The following ZFAND2A variants were observed in gnomAD, a reference collection of about 807,000 sequenced individuals.
The protein encoded by ZFAND2A is zinc finger AN1-type containing 2A, also known as AN1-type zinc finger protein 2A.
In ZFAND2A, 20 loss-of-function variants were observed where a neutral mutation model predicts 11.6. That is an observed-to-expected ratio of 1.72 (90% confidence interval 1.21 to 2.50). ZFAND2A has a LOEUF of 2.50. Ranked by LOEUF, ZFAND2A falls within the 30% of genes most tolerant of loss-of-function variation. The probability of loss-of-function intolerance (pLI) is 0.00; values close to 1 mark genes in which losing one functional copy is unlikely to be tolerated. For synonymous variants in ZFAND2A, 93 were observed against 60.6 expected (o/e 1.54, Z -2.48); for missense variants, 234 against 182.9 (o/e 1.28, Z -1.61).
chr7:1,155,526 T>TG lies in ZFAND2A; in HGVS notation c.208dup (p.Gln70ProfsTer9). 6.2e-7 allele frequency: 1 copy of TG among 1,613,938 alleles called. No individual in the cohort carries two copies. The highest frequency in any genetic ancestry group is 8.5e-7 in the Non-Finnish European group (1 of 1,179,930). ...ATCACCAACCACCACGTCTGGTATC[T>TG]GGCCCTTTTTTACTGGGATGGGGGT... On this transcript the variant is annotated frameshift_variant, in exon 4 of 5. Coordinates refer to ENST00000316495, the MANE Select transcript of ZFAND2A (RefSeq NM_182491.4). LOFTEE classifies it high-confidence loss of function.
At chr7:1,155,936 C>CCA (rs986434818) in intron 3 of ZFAND2A, among the ~76,000 whole-genome samples, 1 of 152,244 alleles carries the variant, frequency 6.6e-6, no homozygotes, top group African/African-American at 2.4e-5. Flanking sequence ...CAAAGACCCT[C>CCA]CAGCTCCCCT....
chr7:1,149,002 T>C (rs1243454456), downstream of ZFAND2A, among the ~76,000 whole-genome samples: 3 of 151,858 alleles, frequency 2.0e-5, no homozygotes, highest in Admixed American at 6.6e-5. Context: ...CTTACTACAT[T>C]GCCCAGTCCT....
chr7:1,154,520 C>T lies in ZFAND2A; in HGVS notation c.282+933G>A, dbSNP rs1205661855. ...GTGTCATGTGGAAGAAGCGGGTGTG[C>T]CAGAGAGCTGTGATGTCTCAGAGGC... is the stretch of plus-strand genomic sequence containing the variant. On this transcript the variant is annotated intron_variant, in intron 4 of 4. Transcript: ENST00000316495. 4.6e-5 allele frequency among the ~76,000 whole-genome samples: 7 copies of T among 152,080 alleles called. 1 individual carries two copies. Among genetic ancestry groups the T allele is most frequent in the African/African-American group, 1.7e-4 (7 of 41,412 alleles).
At chr7:1,156,734 C>T (rs62431996) in intron 3 of ZFAND2A, among the ~76,000 whole-genome samples, 2,453 of 152,338 alleles carry the variant, frequency 0.016, 33 homozygotes, top group Non-Finnish European at 0.026. Context: ...TGAGCACACC[C>T]GTCTACAGCC....
downstream of ZFAND2A, chr7:1,151,965 T>C (rs2128256981): frequency 6.4e-6 from 2 of 311,402 alleles, no homozygotes; most frequent in East Asian, 5.2e-5. Context: ...CTTTTCAGGT[T>C]TGTCTTGATG....
At chr7:1,158,372 C>T in intron 1 of ZFAND2A, 115 bp from the exon 2 acceptor site, 1 of 661,772 alleles carries the variant, frequency 1.5e-6, no homozygotes, top group South Asian at 1.9e-5. Context: ...GGGAGCATTC[C>T]ATGGAGTTTT....
downstream of ZFAND2A, chr7:1,152,247 G>A (rs758670074): frequency 5.1e-5 from 80 of 1,570,782 alleles, no homozygotes; most frequent in Middle Eastern, 1.7e-4. Context: ...CACATGAGCC[G>A]GGTGAACCAG....
chr7:1,157,574 G>A (rs926734409), intron 3 of ZFAND2A, 82 bp downstream of exon 3: 43 of 1,317,482 alleles, frequency 3.3e-5, no homozygotes, highest in South Asian at 1.2e-4. Context: ...TTAGCCATAC[G>A]TCGCTAGTCC....
chr7:1,158,145 T>C lies in ZFAND2A; in HGVS notation c.55+13A>G. 6.2e-7 allele frequency: 1 copy of C among 1,612,850 alleles called. No individual in the cohort carries two copies. The highest frequency in any genetic ancestry group is 1.1e-5 in the South Asian group (1 of 90,758). On this transcript the variant is annotated intron_variant, in intron 2 of 4. Coordinates refer to ENST00000316495, the MANE Select transcript of ZFAND2A (RefSeq NM_182491.4). ...AAATACCATTTTCTATTAAGTCTCT[T>C]AAAAGTACTCACCTAGCTGCTTGCA...
downstream of ZFAND2A, among the ~76,000 whole-genome samples, chr7:1,149,474 G>A (rs1793358926): frequency 6.6e-6 from 1 of 152,188 alleles, no homozygotes; most frequent in African/African-American, 2.4e-5. Flanking sequence ...CCCGTAAGGA[G>A]CCCTGTGTTT....
downstream of ZFAND2A, chr7:1,152,164 G>A: frequency 1.4e-6 from 2 of 1,475,346 alleles, no homozygotes; most frequent in Non-Finnish European, 1.8e-6. Flanking sequence ...GTCACACTGT[G>A]CAGTTACACA....
rs1174952790 is a variant in ZFAND2A, at chr7:1,159,721, G to A, written c.-46+243C>T. 1.5e-4 allele frequency among the ~76,000 whole-genome samples: 11 copies of A among 71,630 alleles called. 2 individuals carry two copies. The highest frequency in any genetic ancestry group is 7.8e-4 in the Admixed American group (6 of 7,644). 47.0% of individuals were successfully genotyped at this position (71,630 alleles called of 152,430 possible). On this transcript the variant is annotated intron_variant, in intron 1 of 4. Transcript: ENST00000316495. ...AGGCCCGGTCCCCAGCAGACAGCCG[G>A]ACCCCCAACAGCCAGACCCCGGCAG...
chr7:1,153,192 G>A lies in ZFAND2A; in HGVS notation c.315C>T (p.Cys105=). ...CCATCTGCAGCATCTCTTTCTTCTT[G>A]CAGCCCTCTTTTGAGCAACGGTATG... The part of the protein sequence containing the change: ...IFTYRCSKEG[C]KKKEMLQMVC... Residue 105 remains cysteine (C), a synonymous_variant, in exon 5 of 5, where the codon TGC becomes TGT. Transcript: ENST00000316495. 6.2e-7 allele frequency: 1 copy of A among 1,614,030 alleles called. No homozygotes were observed. The highest frequency in any genetic ancestry group is 8.5e-7 in the Non-Finnish European group (1 of 1,179,920).
chr7:1,157,518 C>G (rs1793556995), intron 3 of ZFAND2A, 138 bp downstream of exon 3: 4 of 803,138 alleles, frequency 5.0e-6, no homozygotes, highest in Non-Finnish European at 5.9e-6. Context: ...TGAAACGAGG[C>G]TAGTGGGACT....
Position 1,155,434 on chromosome 7 carries a change from A to G in ZFAND2A, c.282+19T>C, listed in dbSNP as rs771136725. The G allele has an allele frequency of 3.7e-6, 6 of 1,606,682 alleles. No homozygotes were observed. The highest frequency in any genetic ancestry group is 5.1e-6 in the Non-Finnish European group (6 of 1,176,966). On this transcript the variant is annotated intron_variant, in intron 4 of 4. Coordinates refer to ENST00000316495, the MANE Select transcript of ZFAND2A (RefSeq NM_182491.4). ...CCAGGCTTCCCAGATGAAGGAACTG[A>G]GGCGGGCTCTGTCCTTACCTTCTCT...
chr7:1,155,988 C>T (rs1247251045), intron 3 of ZFAND2A, among the ~76,000 whole-genome samples: 1 of 152,236 alleles, frequency 6.6e-6, no homozygotes, highest in Non-Finnish European at 1.5e-5. Context: ...TCCCCAGTGG[C>T]TTCTACGTAC....
intron 4 of ZFAND2A, among the ~76,000 whole-genome samples, chr7:1,154,341 C>T (rs1177106122): frequency 3.3e-5 from 5 of 152,152 alleles, no homozygotes; most frequent in Non-Finnish European, 5.9e-5. Flanking sequence ...CCATGCTGAG[C>T]GACCATGCAG....
chr7:1,159,121 G>C (rs1338879760), intron 1 of ZFAND2A, among the ~76,000 whole-genome samples: 1 of 152,078 alleles, frequency 6.6e-6, no homozygotes, highest in Non-Finnish European at 1.5e-5. Flanking sequence ...CGCTACTTAA[G>C]GTGCCCATTA....
chr7:1,151,888 T>A (rs1213396342), downstream of ZFAND2A, among the ~76,000 whole-genome samples: 4 of 150,360 alleles, frequency 2.7e-5, no homozygotes, highest in African/African-American at 9.8e-5. Context: ...AGAGTGGAAA[T>A]AACCCACACG....
Sources: allele counts gnomAD v4.1 joint callset (sites outside exome capture counted in the v4.1 genomes callset), GRCh38; gene constraint gnomAD v4.1.1; transcripts MANE v1.5; gene names NCBI Gene and HGNC (gene_info 2026-07-23, HGNC 2026-07-21).